HAPSTR1: variants seen among roughly 807,000 people sequenced by gnomAD.
The protein encoded by HAPSTR1 is HUWE1-associated protein modifying stress responses 1.
At chr16:9,092,071 G>A in the HAPSTR1 span, 484 of 1,535,720 alleles carry the variant, frequency 3.2e-4, 10 homozygotes, top group South Asian at 5.5e-3. Context: ...AGGAGGGCGA[G>A]GCCGAGATCC....
the HAPSTR1 span, chr16:9,092,320 C>T: frequency 1.4e-4 from 183 of 1,335,154 alleles, 1 homozygote; most frequent in African/African-American, 2.1e-3. Context: ...CCCGCCCGGG[C>T]CCGGCCCCGG....
the HAPSTR1 span, chr16:9,091,846 G>A: frequency 2.5e-6 from 1 of 402,626 alleles, no homozygotes; most frequent in Non-Finnish European, 4.3e-6. Context: ...CTGGGGCGGG[G>A]GTCGTCCCTG....
the HAPSTR1 span, chr16:9,117,034 C>T: frequency 7.2e-7 from 1 of 1,394,760 alleles, no homozygotes; most frequent in Non-Finnish European, 9.7e-7. Flanking sequence ...CAAGTGAATT[C>T]TATAGTGGTT....
chr16:9,102,590 C>G, the HAPSTR1 span, among the ~76,000 whole-genome samples: 23 of 152,288 alleles, frequency 1.5e-4, no homozygotes, highest in South Asian at 4.3e-3. Context: ...CTGAATCTGT[C>G]AGTAGGAATG....
chr16:9,098,535 G>T, the HAPSTR1 span, among the ~76,000 whole-genome samples: 1 of 152,108 alleles, frequency 6.6e-6, no homozygotes, highest in African/African-American at 2.4e-5. Context: ...TTCTTTACTG[G>T]TTGGAGTGCC....
At chr16:9,092,299 G>A in the HAPSTR1 span, 1 of 1,466,034 alleles carries the variant, frequency 6.8e-7, no homozygotes, top group Non-Finnish European at 9.1e-7. Flanking sequence ...TCTTGGTACC[G>A]CTTGGCCGCC....
the HAPSTR1 span, chr16:9,106,893 G>A: frequency 6.6e-6 from 1 of 152,114 alleles, no homozygotes; most frequent in African/African-American, 2.4e-5. Context: ...CTTGAGACCA[G>A]AAATCTTCTG....
At chr16:9,106,916 G>T in the HAPSTR1 span, 4 of 152,048 alleles carry the variant, frequency 2.6e-5, no homozygotes, top group Non-Finnish European at 5.9e-5. Context: ...TCACTTTGTG[G>T]ATCTCTGCCT....
chr16:9,115,613 A>G, the HAPSTR1 span, among the ~76,000 whole-genome samples: 1 of 152,104 alleles, frequency 6.6e-6, no homozygotes, highest in Non-Finnish European at 1.5e-5. Context: ...TATATTCTGG[A>G]TTCAGTAAAG....
At chr16:9,095,302 C>A in the HAPSTR1 span, among the ~76,000 whole-genome samples, 1 of 152,096 alleles carries the variant, frequency 6.6e-6, no homozygotes, top group African/African-American at 2.4e-5. Flanking sequence ...AGAGAACAGG[C>A]ATACAGCTGT....
chr16:9,098,365 C>T, the HAPSTR1 span, among the ~76,000 whole-genome samples: 9 of 152,170 alleles, frequency 5.9e-5, no homozygotes, highest in African/African-American at 2.2e-4. Context: ...CCCCTGGTTC[C>T]TGGTCCTTTG....
the HAPSTR1 span, chr16:9,110,372 C>A: frequency 6.6e-6 from 1 of 152,092 alleles, no homozygotes; most frequent in Non-Finnish European, 1.5e-5. Context: ...ACTAATTTGT[C>A]ACATCCAAAG....
At chr16:9,102,922 T>C in the HAPSTR1 span, 2 of 1,536,072 alleles carry the variant, frequency 1.3e-6, no homozygotes, top group Admixed American at 1.9e-5. Context: ...TGGTTTTCTT[T>C]AGAAGGGAAT....
chr16:9,119,911 A>T, the HAPSTR1 span: 15 of 152,222 alleles, frequency 9.9e-5, no homozygotes, highest in African/African-American at 1.2e-4. Flanking sequence ...AGTGAGAGGG[A>T]TGGCCAACAT....
chr16:9,113,408 C>G, the HAPSTR1 span, among the ~76,000 whole-genome samples: 1 of 152,114 alleles, frequency 6.6e-6, no homozygotes, highest in Admixed American at 6.5e-5. Flanking sequence ...TGATGTTTAA[C>G]ACATCTTCTT....
chr16:9,113,644 A>G, the HAPSTR1 span, among the ~76,000 whole-genome samples: 1 of 152,192 alleles, frequency 6.6e-6, no homozygotes, highest in South Asian at 2.1e-4. Context: ...AGCCCAGTTT[A>G]TTGCTGAACG....
chr16:9,098,445 C>T, the HAPSTR1 span, among the ~76,000 whole-genome samples: 3 of 152,222 alleles, frequency 2.0e-5, no homozygotes, highest in African/African-American at 7.2e-5. Flanking sequence ...TTGGATGCCA[C>T]TTCCTTAGGG....
At chr16:9,101,246 T>G in the HAPSTR1 span, among the ~76,000 whole-genome samples, 1 of 152,308 alleles carries the variant, frequency 6.6e-6, no homozygotes, top group Non-Finnish European at 1.5e-5. Context: ...CCTAAAGAGA[T>G]GGGAAAAGTG....
At chr16:9,114,588 C>T in the HAPSTR1 span, among the ~76,000 whole-genome samples, 6 of 152,014 alleles carry the variant, frequency 3.9e-5, no homozygotes, top group Non-Finnish European at 8.8e-5. Context: ...AGTCGGGATA[C>T]GGTCTAAGGG....
Sources: allele counts gnomAD v4.1 joint callset (sites outside exome capture counted in the v4.1 genomes callset), GRCh38; gene constraint gnomAD v4.1.1; transcripts MANE v1.5; gene names NCBI Gene and HGNC (gene_info 2026-07-23, HGNC 2026-07-21).